The following WDFY3 variants were observed in gnomAD, a reference collection of about 807,000 sequenced individuals.
WDFY3 encodes the protein WD repeat and FYVE domain containing 3, also known as WD repeat and FYVE domain-containing protein 3.
A neutral mutation model predicts 409.6 loss-of-function variants in WDFY3; 66 were observed. That is an observed-to-expected ratio of 0.16 (90% CI 0.13 to 0.20). WDFY3 has a LOEUF of 0.20. Ranked by LOEUF, WDFY3 falls within the 10% of genes least tolerant of loss-of-function variation. The pLI, the probability that WDFY3 is intolerant of heterozygous loss-of-function variation, is 1.00. For missense variants in WDFY3, 3,031 were observed against 4,298.1 expected (o/e 0.71, Z 8.24); for synonymous variants, 1,521 against 1,537.1 (o/e 0.99, Z 0.25).
At chr4:84,911,531 A>G (rs1290392397) in intron 2 of WDFY3, among the ~76,000 whole-genome samples, 1 of 152,118 alleles carries the variant, frequency 6.6e-6, no homozygotes, top group Non-Finnish European at 1.5e-5. Context: ...ATGAACACAC[A>G]TTTCACTGAA....
At chr4:84,819,923 G>A (rs1278288620) in intron 12 of WDFY3, among the ~76,000 whole-genome samples, 162 bp downstream of exon 12, 1 of 152,098 alleles carries the variant, frequency 6.6e-6, no homozygotes, top group Non-Finnish European at 1.5e-5. Context: ...AGGTGCTCCT[G>A]ATGGTCAAAA....
At chr4:84,857,742 A>C (rs1759972682) in intron 4 of WDFY3, among the ~76,000 whole-genome samples, 1 of 152,122 alleles carries the variant, frequency 6.6e-6, no homozygotes, top group Non-Finnish European at 1.5e-5. Context: ...TCCTCCCTCT[A>C]TCATTCTCAG....
Position 84,672,766 on chromosome 4 carries a change from A to C in WDFY3, c.*102T>G. On this transcript the variant is annotated 3_prime_UTR_variant, in exon 68 of 68. Transcript: ENST00000295888. ...TTAACACTTCAAACACGTGGTATGA[A>C]GAGATGTGTAAACGGAGACTGTTTT... 3.3e-5 allele frequency: 48 copies of C among 1,472,492 alleles called. No individual in the cohort carries two copies. Among genetic ancestry groups the C allele is most frequent in the Non-Finnish European group, 3.9e-5 (42 of 1,084,086 alleles). The allele number at this position is 1,472,492 out of a possible 1,614,324, so 91.2% of individuals were successfully genotyped here. A position where few individuals can be genotyped will look rare whatever the true frequency, so the allele number is the denominator to read the frequency against.
intron 46 of WDFY3, among the ~76,000 whole-genome samples, chr4:84,721,913 G>T (rs559814113): frequency 3.9e-5 from 6 of 152,116 alleles, no homozygotes; most frequent in Admixed American, 3.9e-4. Flanking sequence ...GACTAAATTA[G>T]GTAACTCATG....
intron 30 of WDFY3, among the ~76,000 whole-genome samples, chr4:84,772,542 A>G (rs1011735316): frequency 2.6e-5 from 4 of 152,170 alleles, no homozygotes; most frequent in Admixed American, 2.0e-4. Flanking sequence ...ATAATGTTCA[A>G]ATCACACAGG....
Position 84,829,720 on chromosome 4 carries a change from T to G in WDFY3, c.770-530A>C, listed in dbSNP as rs186973844. On this transcript the variant is annotated intron_variant, in intron 8 of 67. Coordinates refer to ENST00000295888, the MANE Select transcript of WDFY3 (RefSeq NM_014991.6). ...TACTCGGGAGGCTGAGGTAGGAGAA[T>G]CACTTGAACCCGGGAGGCAGAGATT... is the stretch of plus-strand genomic sequence containing the variant. 6.5e-3 allele frequency among the ~76,000 whole-genome samples: 987 copies of G among 151,662 alleles called. 10 individuals carry two copies. Among genetic ancestry groups the G allele is most frequent in the African/African-American group, 0.023 (946 of 41,320 alleles).
chr4:84,860,419 A>C lies in WDFY3; in HGVS notation c.173T>G (p.Phe58Cys), dbSNP rs1176764280. Residue 58 changes from phenylalanine (F) to cysteine (C), a missense_variant, in exon 4 of 68, where the codon TTT becomes TGT. Physicochemically the swap from Phe to Cys is radical, Grantham distance 205. This residue lies in a region of WDFY3 where 1,322 missense variants were observed against 1,697.9 expected (regional missense o/e 0.78). Transcript: ENST00000295888. The part of the protein sequence containing the change: ...EEKLYMMLPV[F>C]NRVFGNAPPN... ...CTGGCAACCTGGACTTACCCTGTTA[A>C]ACACTGGCAGCATCATATACAGTTT... 6.2e-7 allele frequency: 1 copy of C among 1,612,226 alleles called. No individual in the cohort carries two copies. The highest frequency in any genetic ancestry group is 1.3e-5 in the African/African-American group (1 of 74,888).
In WDFY3 at chr4:84,849,944, T is replaced by C; in HGVS notation, c.262A>G (p.Met88Val). 3.1e-6 allele frequency: 5 copies of C among 1,611,998 alleles called. No individual in the cohort carries two copies. The highest frequency in any genetic ancestry group is 3.4e-6 in the Non-Finnish European group (4 of 1,179,388). Residue 88 changes from methionine (M) to valine (V), a missense_variant, in exon 5 of 68, where the codon ATG (methionine) becomes GTG (valine). Met to Val is a conservative substitution (Grantham distance 21). Transcript: ENST00000295888. ...LQFTTQVSRL[M>V]VTEIRRRASN... ...GCTCTCCTTCGAATTTCTGTCACCA[T>C]TAGTCGTGAGACTTGTGTTGTGAAC...
chr4:84,860,714 A>G (rs1181678383), intron 3 of WDFY3, 92 bp from the exon 4 acceptor site: 6 of 1,127,076 alleles, frequency 5.3e-6, no homozygotes, highest in African/African-American at 1.6e-5. Flanking sequence ...AATTTGCAAA[A>G]TAGAAAATTC....
At chr4:84,723,920 T>C (rs1735243034) in intron 46 of WDFY3, among the ~76,000 whole-genome samples, 1 of 152,228 alleles carries the variant, frequency 6.6e-6, no homozygotes, top group South Asian at 2.1e-4. Flanking sequence ...TGTAGTCCAA[T>C]TCATCATCTA....
At chr4:84,796,473 G>A (rs755682638) in intron 19 of WDFY3, 48 bp downstream of exon 19, 2 of 1,235,818 alleles carry the variant, frequency 1.6e-6, no homozygotes, top group South Asian at 2.1e-5. Flanking sequence ...GTAAAGGCAA[G>A]TATGACGCAT....
At chr4:84,942,505 T>C (rs984409463) in intron 1 of WDFY3, among the ~76,000 whole-genome samples, 8 of 152,210 alleles carry the variant, frequency 5.3e-5, no homozygotes, top group Admixed American at 3.9e-4. Flanking sequence ...TGTGGACATG[T>C]GCTTTCATTT....
intron 10 of WDFY3, among the ~76,000 whole-genome samples, 195 bp from the exon 11 acceptor site, chr4:84,821,746 T>G (rs189331139): frequency 2.6e-5 from 4 of 152,330 alleles, no homozygotes; most frequent in African/African-American, 9.6e-5. Flanking sequence ...TGATTAAAAC[T>G]TTAATGCATT....
At chr4:84,692,396 C>CT (rs374197864) in intron 59 of WDFY3, among the ~76,000 whole-genome samples, 32 of 147,566 alleles carry the variant, frequency 2.2e-4, no homozygotes, top group South Asian at 1.1e-3. Context: ...TTTTGCAGAA[C>CT]TTTTTTTTTT....
chr4:84,833,688 A>AAGAG (rs1756113632), intron 7 of WDFY3, among the ~76,000 whole-genome samples: 23 of 149,610 alleles, frequency 1.5e-4, no homozygotes, highest in African/African-American at 5.7e-4. Context: ...AAAGAAAAGA[A>AAGAG]AAGAGAAGAG....
intron 36 of WDFY3, among the ~76,000 whole-genome samples, chr4:84,749,877 C>A (rs1740196731): frequency 6.6e-6 from 1 of 152,094 alleles, no homozygotes; most frequent in African/African-American, 2.4e-5. Flanking sequence ...ACAAAGAGAA[C>A]CTTACTTCAA....
intron 10 of WDFY3, among the ~76,000 whole-genome samples, chr4:84,825,004 T>C (rs1305909824): frequency 6.6e-6 from 1 of 152,162 alleles, no homozygotes; most frequent in Non-Finnish European, 1.5e-5. Flanking sequence ...TTCTGACTCT[T>C]AGGGCATCAT....
intron 57 of WDFY3, 122 bp downstream of exon 57, chr4:84,696,610 G>C (rs1418139488): frequency 1.1e-6 from 1 of 919,040 alleles, no homozygotes; most frequent in African/African-American, 1.7e-5. Context: ...ATCCCCTGTA[G>C]ATAAGGGGAC....
At position 84,770,790 on chromosome 4, in the gene WDFY3, C is replaced by T. The variant is rs558219957; in HGVS notation, c.4849+2045G>A. 1.7e-3 allele frequency among the ~76,000 whole-genome samples: 254 copies of T among 152,304 alleles called. 3 individuals carry two copies. The highest frequency in any genetic ancestry group is 3.9e-3 in the African/African-American group (163 of 41,588). ...TTCTACAATAAAGTAATAATCTAGA[C>T]AGAAATTAAAAATTTTATTTAACTT... On this transcript the variant is annotated intron_variant, in intron 30 of 67. Coordinates refer to ENST00000295888, the MANE Select transcript of WDFY3 (RefSeq NM_014991.6).
Sources: allele counts gnomAD v4.1 joint callset (sites outside exome capture counted in the v4.1 genomes callset), GRCh38; gene constraint gnomAD v4.1.1; regional missense constraint gnomAD v4.1.1; transcripts MANE v1.5; gene names NCBI Gene and HGNC (gene_info 2026-07-23, HGNC 2026-07-21).